The following TTN variants were observed in gnomAD, a reference collection of about 807,000 sequenced individuals.
TTN encodes connectin.
In TTN, 1,525 loss-of-function variants were observed where a neutral mutation model predicts 3,223.0. That is an observed-to-expected ratio of 0.47 (90% CI 0.45 to 0.49). The LOEUF (loss-of-function observed/expected upper bound fraction) is 0.49, where lower values mean the gene tolerates loss of function less well. Ranked by LOEUF, TTN falls within the 20% of genes least tolerant of loss-of-function variation. The pLI, the probability that TTN is intolerant of heterozygous loss-of-function variation, is 0.00. For synonymous variants in TTN, 14,094 were observed against 15,161.0 expected (o/e 0.93, Z 5.17); for missense variants, 40,786 against 43,424.0 (o/e 0.94, Z 5.40).
intron 15 of TTN, among the ~76,000 whole-genome samples, chr2:178,784,584 A>G (rs1392018634): frequency 1.3e-5 from 2 of 152,242 alleles, no homozygotes; most frequent in Non-Finnish European, 2.9e-5. Context: ...AAAGAGTTGT[A>G]TTCAGAACTC....
Position 178,561,425 on chromosome 2 carries a change from C to T in TTN, c.84707G>A (p.Gly28236Glu), listed in dbSNP as rs1553564344. 6.2e-7 allele frequency: 1 copy of T among 1,613,810 alleles called. No individual in the cohort carries two copies. Among genetic ancestry groups the T allele is most frequent in the Non-Finnish European group, 8.5e-7 (1 of 1,179,788 alleles). ...EYRVYAENIA[G>E]IGKCSKSCEP... ...ACAAGATTTACTGCATTTACCAATT[C>T]CAGCAATATTTTCAGCATATACACG... Residue 28236 changes from glycine to glutamate, a missense_variant, in exon 326 of 363, where the codon GGA (glycine) becomes GAA (glutamate). By Grantham distance (98) the Gly-to-Glu change is moderately conservative. Transcript: ENST00000589042.
chr2:178,750,293 T>C (rs1473525088), intron 47 of TTN: 1 of 1,613,288 alleles, frequency 6.2e-7, no homozygotes, highest in Admixed American at 1.7e-5. Context: ...ATGTTTTTGT[T>C]TTGCTTTCAC....
chr2:178,598,754 G>T lies in TTN; in HGVS notation c.56956C>A (p.Pro18986Thr), dbSNP rs568015697. The change falls in exon 291 of 363, where the codon CCA becomes ACA. Residue 18986 changes from proline to threonine, a missense_variant. Physicochemically the swap from Pro to Thr is conservative, Grantham distance 38. Transcript: ENST00000589042. ...LPSDPATARD[P>T]IAPPGPPFPK... ...GAATGGTTTCCAGGCTTACCAATTG[G>T]ATCTCTAGCAGTCGCTGGGTCTGAT... The T allele has an allele frequency of 2.5e-6, 4 of 1,611,962 alleles. No homozygotes were observed. The highest frequency in any genetic ancestry group is 2.5e-6 in the Non-Finnish European group (3 of 1,179,176).
chr2:178,598,949 G>A lies in TTN; in HGVS notation c.56761C>T (p.Leu18921=), dbSNP rs769824680. 2.4e-5 allele frequency: 38 copies of A among 1,612,664 alleles called. No homozygotes were observed. Among genetic ancestry groups the A allele is most frequent in the Non-Finnish European group, 3.0e-5 (35 of 1,179,476 alleles). ...DGGSPVTGYW[L]EMKDTTSKRW... is the part of the protein sequence containing the mutation. Reference sequence around the variant, plus strand: ...TTTGAAGTGGTGTCTTTCATTTCCAGCCAGTACCCTGTCACAGGAGAGCCT... The same window carrying A: ...TTTGAAGTGGTGTCTTTCATTTCCAACCAGTACCCTGTCACAGGAGAGCCT... The change falls in exon 291 of 363, where the codon CTG becomes TTG. Residue 18921 remains leucine, a synonymous_variant. Transcript: ENST00000589042.
rs758854666 is a variant in TTN, at chr2:178,653,265, T to A, written c.38764A>T (p.Lys12922Ter). 2.5e-6 allele frequency: 4 copies of A among 1,612,424 alleles called. No individual in the cohort carries two copies. The highest frequency in any genetic ancestry group is 2.5e-6 in the Non-Finnish European group (3 of 1,179,442). ...LEKKVPLAPP[K>*]KPEVPPVKVP... ...TTAACAGGTGGGACTTCAGGCTTTT[T>A]AGGAGGAGCCAAGGGCACTTTCTTT... Residue 12922 changes from lysine (K) to a stop codon, truncating the protein, a stop_gained, in exon 198 of 363, where the codon AAA (lysine) becomes TAA (stop). Coordinates refer to ENST00000589042, the MANE Select transcript of TTN (RefSeq NM_001267550.2). LOFTEE classifies it high-confidence loss of function.
rs1478347743 is a variant in TTN at position 178,563,212 on chromosome 2, A to T, written c.82920T>A (p.Thr27640=). 6.2e-7 allele frequency: 1 copy of T among 1,613,582 alleles called. No homozygotes were observed. The highest frequency in any genetic ancestry group is 1.3e-5 in the African/African-American group (1 of 74,904). The part of the protein sequence containing the change: ...QFTVTKLKEN[T]EYNFRICAIN... ...TGGCACAAATACGGAAGTTATATTC[A>T]GTGTTTTCTTTAAGCTTGGTCACTG... Residue 27640 remains threonine (T), a synonymous_variant, in exon 326 of 363, where the codon ACT becomes ACA. Coordinates refer to ENST00000589042, the MANE Select transcript of TTN (RefSeq NM_001267550.2). This position sits in a 1 kb window ranked among gnomAD's most constrained non-coding sequence, Gnocchi z 4.5.
chr2:178,555,318 C>T (rs1257057433), intron 330 of TTN, 166 bp from the exon 331 acceptor site: 19 of 646,154 alleles, frequency 2.9e-5, no homozygotes, highest in Non-Finnish European at 4.0e-5. Context: ...TTATAGGCCA[C>T]TCTTCTATCT....
intron 71 of TTN, chr2:178,724,868 T>C (rs1011550653): frequency 1.9e-5 from 4 of 215,520 alleles, no homozygotes; most frequent in African/African-American, 4.5e-5. Flanking sequence ...ATAGTATATA[T>C]TGATTTCCAC....
Position 178,528,549 on chromosome 2 carries a change from T to C in TTN, c.107202A>G (p.Glu35734=). Residue 35734 remains glutamate, a synonymous_variant, in exon 360 of 363, where the codon GAA becomes GAG. Transcript: ENST00000589042. ...EISGEPSPEI[E]WFKNNLPISI... Reference sequence around the variant, plus strand: ...TTACTGGCAGGTTGTTTTTAAACCATTCGATTTCAGGGGATGGCTCGCCAC... The same window carrying C: ...TTACTGGCAGGTTGTTTTTAAACCACTCGATTTCAGGGGATGGCTCGCCAC... 6.2e-7 allele frequency: 1 copy of C among 1,609,510 alleles called. No homozygotes were observed. The highest frequency in any genetic ancestry group is 1.3e-5 in the African/African-American group (1 of 74,862).
chr2:178,749,472 GA>G, intron 47 of TTN: 1 of 1,612,888 alleles, frequency 6.2e-7, no homozygotes. Context: ...TCAAGGCTTT[GA>G]AAATAGTCCC....
intron 47 of TTN, chr2:178,745,393 C>G: frequency 1.4e-6 from 2 of 1,425,612 alleles, no homozygotes; most frequent in Non-Finnish European, 1.8e-6. Flanking sequence ...TTCCACAGTT[C>G]AGATAACAAA....
chr2:178,616,417 A>T (rs1443055742), intron 257 of TTN, 62 bp downstream of exon 257: 25 of 1,592,742 alleles, frequency 1.6e-5, no homozygotes, highest in Non-Finnish European at 2.0e-5. Flanking sequence ...ATGGCATCCC[A>T]ACCTTCTGGG....
At chr2:178,711,457 G>C (rs2076642302) in intron 96 of TTN, 108 bp from the exon 97 acceptor site, 13 of 1,188,110 alleles carry the variant, frequency 1.1e-5, no homozygotes, top group Non-Finnish European at 1.5e-5. Context: ...TAAAAATCAG[G>C]AATTATTAAT....
In TTN at chr2:178,681,558, A is replaced by C. The variant is rs187940800; in HGVS notation, c.33172+103T>G. 8.9e-5 allele frequency: 130 copies of C among 1,458,336 alleles called. No individual in the cohort carries two copies. In the African/African-American group the frequency reaches 1.7e-3, roughly 19 times the overall value. The allele number at this position is 1,458,336 out of a possible 1,614,324, so 90.3% of individuals were successfully genotyped here. A position where few individuals can be genotyped will look rare whatever the true frequency, so the allele number is the denominator to read the frequency against. On this transcript the variant is annotated intron_variant, in intron 136 of 362. Transcript: ENST00000589042. ...AATACAACATAATATTCCCAAACAC[A>C]CACATAATTTGTACACTGCCACTTT...
chr2:178,586,650 C>G lies in TTN; in HGVS notation c.64251G>C (p.Glu21417Asp). Residue 21417 changes from glutamate to aspartate, a missense_variant, in exon 308 of 363, where the codon GAG (glutamate) becomes GAC (aspartate). Coordinates refer to ENST00000589042, the MANE Select transcript of TTN (RefSeq NM_001267550.2). ...GGCTCAGATCTTTTACCACTGAGTA[C>G]TCTGTCCAGCGATCTGCAGGCTGCT... ...EEEQPADRWT[E>D]YSVVKDLSLV... The G allele has an allele frequency of 1.2e-6, 2 of 1,613,166 alleles. No homozygotes were observed. The highest frequency in any genetic ancestry group is 1.7e-6 in the Non-Finnish European group (2 of 1,179,404).
intron 359 of TTN, 24 bp from the exon 360 acceptor site, chr2:178,529,243 C>G (rs1687920360): frequency 7.1e-7 from 1 of 1,418,420 alleles, no homozygotes; most frequent in Non-Finnish European, 9.2e-7. Flanking sequence ...CTCTGTAAGG[C>G]AAACTTAATT....
rs192468365 is a variant in TTN at position 178,570,642 on chromosome 2, C to T, written c.75490G>A (p.Asp25164Asn). The T allele has an allele frequency of 4.0e-5, 65 of 1,613,444 alleles. No individual in the cohort carries two copies. The Admixed American group carries it at 5.0e-4, about 12-fold the overall frequency. ...NTARLEIKST[D>N]FATSLSVKDA... is the part of the protein sequence containing the mutation. ...TTTACACTGAGACTGGTGGCAAAGTCGGTGCTCTTTATTTCTAATCGAGCT... is the reference window on the plus strand; with the variant it reads ...TTTACACTGAGACTGGTGGCAAAGTTGGTGCTCTTTATTTCTAATCGAGCT... The change falls in exon 326 of 363, where the codon GAC (aspartate) becomes AAC (asparagine). Residue 25164 changes from aspartate to asparagine, a missense_variant. Asp to Asn is a conservative substitution (Grantham distance 23). Coordinates refer to ENST00000589042, the MANE Select transcript of TTN (RefSeq NM_001267550.2).
rs376154501 is a variant in TTN at position 178,680,020 on chromosome 2, C to A, written c.33454G>T (p.Val11152Phe). ...EVPKELEPEEVAFEEEVVTHV... is the reference protein window; with the variant it reads ...EVPKELEPEEFAFEEEVVTHV... Reference sequence around the variant, plus strand: ...GTTACAACTTCCTCTTCAAAGGCAACCTCTTCTGGTTCAAGTTCTTTAGGC... The same window carrying A: ...GTTACAACTTCCTCTTCAAAGGCAAACTCTTCTGGTTCAAGTTCTTTAGGC... Residue 11152 changes from valine to phenylalanine, a missense_variant, in exon 140 of 363, where the codon GTT becomes TTT. By Grantham distance (50) the Val-to-Phe change is conservative. Coordinates refer to ENST00000589042, the MANE Select transcript of TTN (RefSeq NM_001267550.2). 1 of 1,613,212 alleles carries A rather than the reference C, an allele frequency of 6.2e-7. No individual in the cohort carries two copies.
chr2:178,802,284 G>C lies in TTN; in HGVS notation c.149C>G (p.Thr50Ser). Reference protein sequence around the residue: ...FRDGQVISTSTLPGVQISFSD... With the variant: ...FRDGQVISTSSLPGVQISFSD... ...AAAGGAGATCTGCACGCCGGGCAGAGTGGAAGTGGAAATCACCTGGCCATC... is the reference window on the plus strand; with the variant it reads ...AAAGGAGATCTGCACGCCGGGCAGACTGGAAGTGGAAATCACCTGGCCATC... Residue 50 changes from threonine (T) to serine (S), a missense_variant, in exon 3 of 363, where the codon ACT becomes AGT. Coordinates refer to ENST00000589042, the MANE Select transcript of TTN (RefSeq NM_001267550.2). 6.2e-7 allele frequency: 1 copy of C among 1,614,168 alleles called. No homozygotes were observed. Among genetic ancestry groups the C allele is most frequent in the Non-Finnish European group, 8.5e-7 (1 of 1,180,014 alleles).
Sources: gnomAD v4.1 joint callset for allele counts (sites outside exome capture counted in the v4.1 genomes callset) on GRCh38, gnomAD v4.1.1 for gene constraint, Gnocchi (gnomAD v3.1) non-coding constraint, MANE v1.5 for transcripts, NCBI Gene and HGNC (gene_info 2026-07-23, HGNC 2026-07-21) for gene names.